Variants in LAMA2 observed in about 807,000 individuals in gnomAD.
LAMA2 encodes the protein laminin subunit alpha-2.
Under a neutral mutation model 364.8 loss-of-function variants are expected in LAMA2, and 269 were observed. The observed-to-expected ratio is 0.74, with a 90% CI of 0.67 to 0.82. LAMA2 has a LOEUF of 0.82. Ranked by LOEUF, LAMA2 falls within the 40% of genes least tolerant of loss-of-function variation. The probability of loss-of-function intolerance (pLI) is 0.00; values close to 1 mark genes in which losing one functional copy is unlikely to be tolerated. For missense variants in LAMA2, 3,807 were observed against 3,873.2 expected (o/e 0.98, Z 0.45); for synonymous variants, 1,379 against 1,370.6 (o/e 1.01, Z -0.14).
At chr6:129,162,304 T>C (rs1490209209) in intron 8 of LAMA2, among the ~76,000 whole-genome samples, 1 of 152,200 alleles carries the variant, frequency 6.6e-6, no homozygotes, top group Non-Finnish European at 1.5e-5. Context: ...AATACAATGT[T>C]GTCATTTTTG....
At chr6:129,100,739 G>A (rs1775474394) in intron 4 of LAMA2, among the ~76,000 whole-genome samples, 1 of 152,138 alleles carries the variant, frequency 6.6e-6, no homozygotes, top group Admixed American at 6.6e-5. Context: ...GATATATCAT[G>A]GCATAGAAAA....
intron 55 of LAMA2, among the ~76,000 whole-genome samples, chr6:129,483,133 A>C (rs1242946381): frequency 6.6e-6 from 1 of 151,698 alleles, no homozygotes; most frequent in Non-Finnish European, 1.5e-5. Context: ...GTCAATAGAT[A>C]GTAAAAACAT....
rs141590386 is a variant in LAMA2, at chr6:129,106,464, T to C, written c.639+8049T>C. On this transcript the variant is annotated intron_variant, in intron 4 of 64. Coordinates refer to ENST00000421865, the MANE Select transcript of LAMA2 (RefSeq NM_000426.4). ...TCTCAATTACCCTTGCAATTGTTCC[T>C]TTAGGGAGAAACAGCGGAGTATTAC... Among the ~76,000 whole-genome samples the C allele has an allele frequency of 5.2e-3, 790 of 152,282 alleles. 4 individuals carry two copies. Among genetic ancestry groups the C allele is most frequent in the African/African-American group, 0.018 (759 of 41,540 alleles).
intron 32 of LAMA2, among the ~76,000 whole-genome samples, chr6:129,363,605 G>T (rs920302294): frequency 5.9e-5 from 9 of 152,334 alleles, no homozygotes; most frequent in East Asian, 3.9e-4. Flanking sequence ...GCTACTCAAA[G>T]TGTGGTGCAC....
chr6:129,337,547 C>T (rs567859162), intron 29 of LAMA2, among the ~76,000 whole-genome samples: 8 of 151,974 alleles, frequency 5.3e-5, no homozygotes, highest in East Asian at 1.9e-4. Context: ...TTATGCAAGA[C>T]GAAAAAAGCT....
At chr6:129,408,607 A>G (rs1160273258) in intron 40 of LAMA2, among the ~76,000 whole-genome samples, 3 of 152,174 alleles carry the variant, frequency 2.0e-5, no homozygotes, top group Admixed American at 2.0e-4. Context: ...TGCATGATGG[A>G]AGAGGTCTGA....
chr6:129,391,836 ATTAT>A (rs1375639499), intron 36 of LAMA2, among the ~76,000 whole-genome samples, 183 bp downstream of exon 36: 1 of 151,484 alleles, frequency 6.6e-6, no homozygotes, highest in Non-Finnish European at 1.5e-5. Context: ...TCTACCATCT[ATTAT>A]TTATTCATTT....
rs1783480497 is a variant in LAMA2 at position 129,465,215 on chromosome 6, C to T, written c.7226C>T (p.Ala2409Val). 1 of 1,610,976 alleles carries T rather than the reference C, an allele frequency of 6.2e-7. No individual in the cohort carries two copies. ...AGTTACGATCTGGGCTCAGGAATGG[C>T]TTCCGTTGTCAGCAATCAAAACCAT... ...KVSYDLGSGM[A>V]SVVSNQNHND... is the part of the protein sequence containing the mutation. Residue 2409 changes from alanine (A) to valine (V), a missense_variant, in exon 51 of 65, where the codon GCT becomes GTT. Transcript: ENST00000421865.
chr6:129,314,616 T>C, intron 23 of LAMA2, 39 bp from the exon 24 acceptor site: 2 of 1,607,960 alleles, frequency 1.2e-6, no homozygotes, highest in Non-Finnish European at 1.7e-6. Flanking sequence ...CCCCTAACTT[T>C]GCCGTTATAA....
chr6:128,976,090 T>C (rs1249319428), intron 1 of LAMA2, among the ~76,000 whole-genome samples: 3 of 152,172 alleles, frequency 2.0e-5, no homozygotes, highest in African/African-American at 2.4e-5. Flanking sequence ...TTTAGGATAA[T>C]GGCCTGAACT....
chr6:128,964,665 G>A (rs1781731536), intron 1 of LAMA2, among the ~76,000 whole-genome samples: 1 of 152,018 alleles, frequency 6.6e-6, no homozygotes, highest in African/African-American at 2.4e-5. Flanking sequence ...TTTAAACAAT[G>A]TAACCTTAAA....
chr6:129,435,838 A>G (rs1012680770), intron 41 of LAMA2, among the ~76,000 whole-genome samples: 2 of 152,054 alleles, frequency 1.3e-5, no homozygotes, highest in African/African-American at 4.8e-5. Context: ...TCCCTTTGCT[A>G]TTCTTCACAG....
intron 9 of LAMA2, among the ~76,000 whole-genome samples, chr6:129,174,747 T>C (rs2115011252): frequency 6.6e-6 from 1 of 152,280 alleles, no homozygotes; most frequent in East Asian, 1.9e-4. Context: ...GTCAATTTTG[T>C]AGTTTCTCAT....
At chr6:129,077,470 A>AT (rs67051537) in intron 3 of LAMA2, among the ~76,000 whole-genome samples, 16,411 of 152,150 alleles carry the variant, frequency 0.11, 923 homozygotes, top group East Asian at 0.16. Context: ...GACTTTGCAG[A>AT]TTTTTTTGTA....
chr6:128,915,550 C>T (rs1414714981), intron 1 of LAMA2, among the ~76,000 whole-genome samples: 4 of 152,162 alleles, frequency 2.6e-5, no homozygotes, highest in East Asian at 1.9e-4. Flanking sequence ...TCAAAAACAT[C>T]GGAACCCTTT....
chr6:129,179,275 C>T lies in LAMA2; in HGVS notation c.1467+1409C>T, dbSNP rs184407828. Reference sequence around the variant, plus strand: ...ACTCCACAGAAATCTCTAACCTTTACCACTTGCTCAAATAAAGGACAGTCA... The same window carrying T: ...ACTCCACAGAAATCTCTAACCTTTATCACTTGCTCAAATAAAGGACAGTCA... On this transcript the variant is annotated intron_variant, in intron 10 of 64. Transcript: ENST00000421865. Among the ~76,000 whole-genome samples the T allele has an allele frequency of 2.0e-5, 3 of 152,092 alleles. No homozygotes were observed. In the East Asian group the frequency reaches 5.8e-4, roughly 29 times the overall value.
At chr6:128,883,837 T>C (rs533521396) in intron 1 of LAMA2, among the ~76,000 whole-genome samples, 8,679 of 112,112 alleles carry the variant, frequency 0.077, 739 homozygotes, top group African/African-American at 0.26. Flanking sequence ...CACACACACA[T>C]ATATATATAT....
chr6:129,258,440 C>T (rs189976050), intron 14 of LAMA2, among the ~76,000 whole-genome samples: 29 of 152,022 alleles, frequency 1.9e-4, no homozygotes, highest in African/African-American at 6.3e-4. Flanking sequence ...ATACATGCTG[C>T]AATGAAGTTA....
chr6:129,314,769 T>C lies in LAMA2; in HGVS notation c.3526T>C (p.Ser1176Pro). The change falls in exon 24 of 65, where the codon TCT becomes CCT. Residue 1176 changes from serine to proline, a missense_variant. This residue lies in a region of LAMA2 where 3,333 missense variants were observed against 3,345.7 expected (regional missense o/e 1.00). Transcript: ENST00000421865. ...TTGCTTCGGCACTACTACCCAGTGC[T>C]CTGAAGCAAAAGGACTGATCCGGAC... ...CYCFGTTTQC[S>P]EAKGLIRTWV... The C allele has an allele frequency of 1.2e-6, 2 of 1,614,070 alleles. No individual in the cohort carries two copies. The highest frequency in any genetic ancestry group is 1.1e-5 in the South Asian group (1 of 91,076).
Sources: allele counts gnomAD v4.1 joint callset (sites outside exome capture counted in the v4.1 genomes callset), GRCh38; gene constraint gnomAD v4.1.1; regional missense constraint gnomAD v4.1.1; transcripts MANE v1.5; gene names NCBI Gene and HGNC (gene_info 2026-07-23, HGNC 2026-07-21).